Variants in PDZRN4 observed in about 807,000 individuals in gnomAD.
PDZRN4 encodes the protein PDZ domain containing ring finger 4, also known as PDZ domain-containing RING finger protein 4.
In PDZRN4, 70 loss-of-function variants were observed where a neutral mutation model predicts 99.0. The ratio of observed to expected loss-of-function variants is 0.71; its 90% CI spans 0.58 to 0.86. PDZRN4 has a LOEUF of 0.86. Ranked by LOEUF, PDZRN4 falls within the 40% of genes least tolerant of loss-of-function variation. PDZRN4 has a pLI of 0.00. For missense variants in PDZRN4, 1,474 were observed against 1,331.2 expected (o/e 1.11, Z -1.67); for synonymous variants, 551 against 501.6 (o/e 1.10, Z -1.32).
chr12:41,367,961 C>T (rs903764305), intron 3 of PDZRN4, among the ~76,000 whole-genome samples: 5 of 151,938 alleles, frequency 3.3e-5, no homozygotes, highest in South Asian at 2.1e-4. Flanking sequence ...AGATGAAACC[C>T]GTATGCACCA....
chr12:41,247,542 T>C (rs1206657122), intron 3 of PDZRN4, among the ~76,000 whole-genome samples: 1 of 152,198 alleles, frequency 6.6e-6, no homozygotes, highest in Non-Finnish European at 1.5e-5. Flanking sequence ...TCCTCTGTGG[T>C]AGGGTTCATC....
At chr12:41,547,429 C>T (rs1273894657) in intron 5 of PDZRN4, among the ~76,000 whole-genome samples, 1 of 152,068 alleles carries the variant, frequency 6.6e-6, no homozygotes, top group Non-Finnish European at 1.5e-5. Flanking sequence ...AGTTTGAGAC[C>T]AACCTGGCCA....
At chr12:41,266,793 G>T (rs1951280116) in intron 3 of PDZRN4, among the ~76,000 whole-genome samples, 1 of 152,144 alleles carries the variant, frequency 6.6e-6, no homozygotes, top group African/African-American at 2.4e-5. Flanking sequence ...AATATTTCTT[G>T]TGAAAGTATT....
chr12:41,395,780 C>T (rs1234916638), intron 3 of PDZRN4, among the ~76,000 whole-genome samples: 1 of 152,098 alleles, frequency 6.6e-6, no homozygotes, highest in Non-Finnish European at 1.5e-5. Flanking sequence ...GAAGACTGGA[C>T]ACACATTGAT....
At chr12:41,521,524 C>T (rs1421400849) in intron 5 of PDZRN4, among the ~76,000 whole-genome samples, 1 of 152,048 alleles carries the variant, frequency 6.6e-6, no homozygotes, top group Admixed American at 6.6e-5. Context: ...AAAACGATTA[C>T]ATCATATTTG....
intron 9 of PDZRN4, among the ~76,000 whole-genome samples, chr12:41,570,077 G>A (rs1418730096): frequency 1.3e-5 from 2 of 152,088 alleles, no homozygotes; most frequent in Admixed American, 6.6e-5. Flanking sequence ...CAGGTAAAGT[G>A]ACAACGGTGT....
At chr12:41,429,271 AGCCCATATATT>A (rs1387359788) in intron 3 of PDZRN4, among the ~76,000 whole-genome samples, 5 of 152,216 alleles carry the variant, frequency 3.3e-5, no homozygotes, top group Non-Finnish European at 5.9e-5. Flanking sequence ...CCCTAATATC[AGCCCATATATT>A]GCCTACCATA....
intron 3 of PDZRN4, among the ~76,000 whole-genome samples, chr12:41,200,901 C>T (rs779426686): frequency 1.3e-5 from 2 of 152,074 alleles, no homozygotes; most frequent in African/African-American, 4.8e-5. Context: ...AGTATCCGAA[C>T]TTTAACTAGA....
chr12:41,490,147 G>A (rs575069174), intron 3 of PDZRN4, among the ~76,000 whole-genome samples: 55 of 152,192 alleles, frequency 3.6e-4, no homozygotes, highest in African/African-American at 1.2e-3. Flanking sequence ...AATAAATATT[G>A]GAGTGATAAT....
intron 8 of PDZRN4, among the ~76,000 whole-genome samples, chr12:41,566,635 T>C (rs1411002550): frequency 6.6e-6 from 1 of 152,210 alleles, no homozygotes. Context: ...ATGATTTGCC[T>C]GCATATTAAT....
chr12:41,231,825 T>C (rs1951031192), intron 3 of PDZRN4, among the ~76,000 whole-genome samples: 1 of 152,068 alleles, frequency 6.6e-6, no homozygotes, highest in African/African-American at 2.4e-5. Flanking sequence ...CAAAAATTTA[T>C]GGTTCCATGA....
intron 3 of PDZRN4, among the ~76,000 whole-genome samples, chr12:41,451,330 T>C (rs1245536188): frequency 6.6e-5 from 10 of 152,236 alleles, no homozygotes; most frequent in Admixed American, 5.2e-4. Context: ...ATTTGTATGA[T>C]GTGGATACAC....
intron 3 of PDZRN4, among the ~76,000 whole-genome samples, chr12:41,254,025 A>G (rs879933856): frequency 1.2e-3 from 79 of 63,978 alleles, no homozygotes; most frequent in South Asian, 4.7e-3. Context: ...ATATATATAT[A>G]TGTGTGTGCG....
chr12:41,232,079 C>A (rs1274451842), intron 3 of PDZRN4, among the ~76,000 whole-genome samples: 2 of 133,218 alleles, frequency 1.5e-5, no homozygotes, highest in Admixed American at 8.4e-5. Context: ...TCTAAGAGGC[C>A]AGTTTTAGAA....
At chr12:41,390,306 G>A (rs1379780) in intron 3 of PDZRN4, among the ~76,000 whole-genome samples, 8,501 of 152,038 alleles carry the variant, frequency 0.056, 295 homozygotes, top group South Asian at 0.15. Flanking sequence ...AATATTAATT[G>A]TTTCTTCATT....
intron 3 of PDZRN4, among the ~76,000 whole-genome samples, chr12:41,407,912 C>T (rs920044788): frequency 7.8e-6 from 1 of 128,954 alleles, no homozygotes; most frequent in African/African-American, 2.9e-5. Context: ...TGCTTATCAT[C>T]GTAGAAGCTG....
intron 3 of PDZRN4, among the ~76,000 whole-genome samples, chr12:41,416,355 T>G (rs930763841): frequency 5.9e-5 from 9 of 152,074 alleles, no homozygotes; most frequent in African/African-American, 2.2e-4. Flanking sequence ...TTAAAAACAT[T>G]TGGTTTTGGC....
intron 3 of PDZRN4, among the ~76,000 whole-genome samples, chr12:41,263,100 T>A (rs554390393): frequency 2.0e-5 from 3 of 152,114 alleles, no homozygotes; most frequent in Admixed American, 6.5e-5. Flanking sequence ...TTTAGTGAAG[T>A]CTCAAAGCAA....
chr12:41,277,493 T>A (rs949141840), intron 3 of PDZRN4, among the ~76,000 whole-genome samples: 5 of 152,164 alleles, frequency 3.3e-5, no homozygotes, highest in African/African-American at 1.2e-4. Context: ...TATGCACCAG[T>A]GCAGATATGA....
Sources: gnomAD v4.1 joint callset for allele counts (sites outside exome capture counted in the v4.1 genomes callset) on GRCh38, gnomAD v4.1.1 for gene constraint, MANE v1.5 for transcripts, NCBI Gene and HGNC (gene_info 2026-07-23, HGNC 2026-07-21) for gene names.